The following NCMAP variants were observed in gnomAD, a reference collection of about 807,000 sequenced individuals.
NCMAP encodes the protein non-compact myelin associated protein.
Under a neutral mutation model 7.8 loss-of-function variants are expected in NCMAP, and 8 were observed. That is an observed-to-expected ratio of 1.02 (90% confidence interval 0.60 to 1.84). The LOEUF is 1.84. Ranked by LOEUF, NCMAP falls within the 40% of genes most tolerant of loss-of-function variation. The probability of loss-of-function intolerance (pLI) is 0.00; values close to 1 mark genes in which losing one functional copy is unlikely to be tolerated. For missense variants in NCMAP, 112 were observed against 131.4 expected, an observed-to-expected ratio of 0.85 and a Z score of 0.72; for synonymous variants, 41 against 52.9, an observed-to-expected ratio of 0.78 and a Z score of 0.98.
intron 1 of NCMAP, among the ~76,000 whole-genome samples, chr1:24,567,314 T>C (rs2148926445): frequency 6.6e-6 from 1 of 152,216 alleles, no homozygotes; most frequent in South Asian, 2.1e-4. Context: ...ATAACAACAC[T>C]TTCAGGTGAT....
intron 2 of NCMAP, 68 bp downstream of exon 2, chr1:24,595,580 G>A: frequency 7.0e-6 from 9 of 1,293,424 alleles, no homozygotes; most frequent in East Asian, 4.7e-5. Context: ...ATAGTGCAGA[G>A]GTTAAGAGTG....
intron 1 of NCMAP, among the ~76,000 whole-genome samples, chr1:24,578,458 A>C (rs1651653331): frequency 7.2e-6 from 1 of 139,016 alleles, no homozygotes; most frequent in African/African-American, 2.6e-5. Context: ...GGTGAAGAGA[A>C]ATTGGGAGTG....
chr1:24,586,210 C>G (rs528638729), intron 1 of NCMAP, among the ~76,000 whole-genome samples: 1 of 152,288 alleles, frequency 6.6e-6, no homozygotes, highest in African/African-American at 2.4e-5. Flanking sequence ...AACCCCAAAG[C>G]CCTTGCTGGG....
chr1:24,577,278 T>G (rs1010234038), intron 1 of NCMAP, among the ~76,000 whole-genome samples: 1 of 152,176 alleles, frequency 6.6e-6, no homozygotes. Context: ...TAACAAACAC[T>G]TTGTGGTTAG....
intron 1 of NCMAP, among the ~76,000 whole-genome samples, chr1:24,585,882 C>T (rs1651867113): frequency 6.6e-6 from 1 of 152,178 alleles, no homozygotes; most frequent in Non-Finnish European, 1.5e-5. Context: ...GGGACACCAG[C>T]GTTCATGGTC....
intron 1 of NCMAP, among the ~76,000 whole-genome samples, chr1:24,584,534 A>G (rs947922294): frequency 5.3e-5 from 8 of 152,132 alleles, no homozygotes; most frequent in Admixed American, 3.9e-4. Context: ...CAGGGTGGGG[A>G]AGTAAGACTT....
intron 1 of NCMAP, among the ~76,000 whole-genome samples, chr1:24,564,982 A>G (rs2148925793): frequency 6.6e-6 from 1 of 152,358 alleles, no homozygotes; most frequent in East Asian, 1.9e-4. Flanking sequence ...ATAAAGCCTC[A>G]GAAGGTGGAA....
At chr1:24,598,406 C>A (rs926543653) in intron 2 of NCMAP, among the ~76,000 whole-genome samples, 6 of 152,058 alleles carry the variant, frequency 3.9e-5, no homozygotes, top group Admixed American at 1.3e-4. Flanking sequence ...TCCACCCCCC[C>A]AAGGGGACCT....
chr1:24,594,490 C>A (rs9730041), intron 1 of NCMAP, among the ~76,000 whole-genome samples: 41,135 of 151,640 alleles, frequency 0.27, 5,965 homozygotes, highest in African/African-American at 0.36. Context: ...CTTCTCAGTG[C>A]CTGAGAGGAT....
At chr1:24,564,525 A>C (rs1473855623) in intron 1 of NCMAP, among the ~76,000 whole-genome samples, 3 of 148,688 alleles carry the variant, frequency 2.0e-5, no homozygotes, top group East Asian at 3.9e-4. Context: ...AAAAAAAAAA[A>C]AAAAAAACAA....
At chr1:24,587,526 C>T (rs1390348857) in intron 1 of NCMAP, among the ~76,000 whole-genome samples, 1 of 151,804 alleles carries the variant, frequency 6.6e-6, no homozygotes, top group East Asian at 1.9e-4. Context: ...CTTTTCTTTT[C>T]TTTTTTTTAC....
intron 1 of NCMAP, among the ~76,000 whole-genome samples, chr1:24,593,011 T>C (rs1390231962): frequency 6.6e-6 from 1 of 151,512 alleles, no homozygotes; most frequent in African/African-American, 2.4e-5. Context: ...TGAAACCCCA[T>C]ACTACTAAAA....
chr1:24,595,358 G>T, intron 1 of NCMAP, 66 bp from the exon 2 acceptor site: 2 of 1,100,024 alleles, frequency 1.8e-6, no homozygotes, highest in Non-Finnish European at 2.7e-6. Flanking sequence ...GACCAAAAGA[G>T]GCATCAAGTA....
intron 1 of NCMAP, among the ~76,000 whole-genome samples, chr1:24,590,924 C>A (rs1229564603): frequency 6.6e-6 from 1 of 152,210 alleles, no homozygotes; most frequent in Non-Finnish European, 1.5e-5. Flanking sequence ...TTTCCATACC[C>A]CACTTCTCAC....
At chr1:24,590,194 G>T (rs1049642721) in intron 1 of NCMAP, among the ~76,000 whole-genome samples, 2 of 152,194 alleles carry the variant, frequency 1.3e-5, no homozygotes, top group Admixed American at 6.5e-5. Flanking sequence ...AGTTGAATCA[G>T]GGCATGGATA....
chr1:24,599,767 A>T (rs1208493063), intron 2 of NCMAP, among the ~76,000 whole-genome samples: 1 of 136,510 alleles, frequency 7.3e-6, no homozygotes, highest in Non-Finnish European at 1.5e-5. Flanking sequence ...TAGTAGAGAC[A>T]GGGTTTCCCC....
At chr1:24,561,687 G>A (rs958251764) in intron 1 of NCMAP, among the ~76,000 whole-genome samples, 7 of 152,198 alleles carry the variant, frequency 4.6e-5, no homozygotes, top group African/African-American at 1.7e-4. Flanking sequence ...GAGGCGGGCA[G>A]ATCTCCTGAG....
At chr1:24,571,544 T>A (rs996414461) in intron 1 of NCMAP, among the ~76,000 whole-genome samples, 1 of 150,686 alleles carries the variant, frequency 6.6e-6, no homozygotes, top group African/African-American at 2.5e-5. Context: ...ATTCCAAATA[T>A]GAACATTTCC....
intron 1 of NCMAP, among the ~76,000 whole-genome samples, chr1:24,577,408 T>TTTGTTG (rs1557596536): frequency 1.4e-5 from 2 of 143,226 alleles, no homozygotes; most frequent in African/African-American, 5.3e-5. Flanking sequence ...CTTGTTTTTT[T>TTTGTTG]TTTTTTTTTT....
Sources: gnomAD v4.1 joint callset for allele counts (sites outside exome capture counted in the v4.1 genomes callset) on GRCh38, gnomAD v4.1.1 for gene constraint, MANE v1.5 for transcripts, NCBI Gene and HGNC (gene_info 2026-07-23, HGNC 2026-07-21) for gene names.